Variants in ADAM17 observed in about 807,000 individuals in gnomAD.
ADAM17 encodes the protein disintegrin and metalloproteinase domain-containing protein 17.
Under a neutral mutation model 96.7 loss-of-function variants are expected in ADAM17, and 39 were observed. The ratio of observed to expected loss-of-function variants is 0.40; its 90% confidence interval spans 0.31 to 0.53. ADAM17 has a LOEUF of 0.53. Ranked by LOEUF, ADAM17 falls within the 20% of genes least tolerant of loss-of-function variation. The pLI is 0.44. For synonymous variants in ADAM17, 344 were observed against 359.2 expected (o/e 0.96, Z 0.48); for missense variants, 777 against 1,013.2 (o/e 0.77, Z 3.17).
chr2:9,492,909 C>G lies in ADAM17; in HGVS notation c.2071G>C (p.Val691Leu). The G allele has an allele frequency of 6.2e-7, 1 of 1,611,598 alleles. No individual in the cohort carries two copies. The highest frequency in any genetic ancestry group is 1.1e-5 in the South Asian group (1 of 90,690). The change falls in exon 17 of 19, where the codon GTC becomes CTC. Residue 691 changes from valine (V) to leucine (L), a missense_variant. Around this residue, in one of 3 missense-constraint regions of ADAM17, gnomAD observed 197 missense variants for 219.4 expected, o/e 0.90. Coordinates refer to ENST00000310823, the MANE Select transcript of ADAM17 (RefSeq NM_003183.6). ...LIFWIPFSIL[V>L]HCVDKKLDKQ... ...AGTTGATGACTTACCACACAATGGA[C>G]AAGAATGCTGAAAGGAATCCAAAAT...
chr2:9,549,240 AGGCACCT>A, intron 1 of ADAM17, among the ~76,000 whole-genome samples: 1 of 152,144 alleles, frequency 6.6e-6, no homozygotes, highest in Non-Finnish European at 1.5e-5. Flanking sequence ...GCGCGGTGGC[AGGCACCT>A]GTAATCCCAG....
chr2:9,535,957 C>G (rs376533065), intron 3 of ADAM17, 35 bp from the exon 4 acceptor site: 193 of 1,362,482 alleles, frequency 1.4e-4, no homozygotes, highest in Non-Finnish European at 1.8e-4. Context: ...TTTAAAAATA[C>G]TTACATCAAA....
chr2:9,490,917 A>T (rs1332127163), intron 18 of ADAM17, among the ~76,000 whole-genome samples, 184 bp downstream of exon 18: 2 of 152,212 alleles, frequency 1.3e-5, no homozygotes, highest in Admixed American at 1.3e-4. Context: ...ATGTCCATCC[A>T]TGCAACTAAT....
intron 4 of ADAM17, among the ~76,000 whole-genome samples, chr2:9,534,602 CA>C (rs963175315): frequency 6.6e-6 from 1 of 152,002 alleles, no homozygotes; most frequent in African/African-American, 2.4e-5. Flanking sequence ...GGTTCATAAT[CA>C]TATTGTTAAA....
Position 9,491,143 on chromosome 2 carries a change from T to G in ADAM17, c.2091A>C (p.Lys697Asn). The G allele has an allele frequency of 6.2e-7, 1 of 1,612,928 alleles. No homozygotes were observed. The highest frequency in any genetic ancestry group is 8.5e-7 in the Non-Finnish European group (1 of 1,179,050). Reference protein sequence around the residue: ...FSILVHCVDKKLDKQYESLSL... With the variant: ...FSILVHCVDKNLDKQYESLSL... ...ACAGAGATTCATACTGTTTATCCAA[T>G]TTCTTATCCTAGAAAGAAACAGCAA... Residue 697 changes from lysine (K) to asparagine (N), a missense_variant, in exon 18 of 19, where the codon AAA (lysine) becomes AAC (asparagine). Around this residue, in one of 3 missense-constraint regions of ADAM17, gnomAD observed 197 missense variants for 219.4 expected, o/e 0.90. Transcript: ENST00000310823.
intron 10 of ADAM17, among the ~76,000 whole-genome samples, chr2:9,514,244 A>G (rs1390844321): frequency 6.6e-6 from 1 of 150,564 alleles, no homozygotes; most frequent in Non-Finnish European, 1.5e-5. Flanking sequence ...CATTCTCAGC[A>G]AACTATCGCA....
chr2:9,533,570 T>C (rs1664840123), intron 4 of ADAM17, among the ~76,000 whole-genome samples: 1 of 152,134 alleles, frequency 6.6e-6, no homozygotes, highest in Non-Finnish European at 1.5e-5. Flanking sequence ...GAATAAATTA[T>C]TCTAAGGAAA....
At chr2:9,512,825 A>G (rs938540560) in intron 10 of ADAM17, among the ~76,000 whole-genome samples, 1 of 152,158 alleles carries the variant, frequency 6.6e-6, no homozygotes, top group South Asian at 2.1e-4. Flanking sequence ...AACAGGATTC[A>G]GAGAGCTTCC....
intron 17 of ADAM17, among the ~76,000 whole-genome samples, chr2:9,491,957 C>T (rs925231857): frequency 2.0e-5 from 3 of 152,220 alleles, no homozygotes; most frequent in Admixed American, 6.5e-5. Flanking sequence ...CCAGAGACAT[C>T]TGTCAAAGCT....
In ADAM17 at chr2:9,555,737, C is replaced by T. The variant is rs887848165; in HGVS notation, c.-132G>A. The T allele has an allele frequency of 5.1e-5, 36 of 704,828 alleles. No homozygotes were observed. Among genetic ancestry groups the T allele is most frequent in the Non-Finnish European group, 7.5e-5 (35 of 466,826 alleles). The allele number at this position is 704,828 out of a possible 1,614,324, so 43.7% of individuals were successfully genotyped here. On this transcript the variant is annotated 5_prime_UTR_variant, in exon 1 of 19. Coordinates refer to ENST00000310823, the MANE Select transcript of ADAM17 (RefSeq NM_003183.6). ...CTCAATCCTCTTTTCCCTCCCGCGC[C>T]GCCTACTGGGAAGATTCTACCGCCA...
intron 4 of ADAM17, among the ~76,000 whole-genome samples, chr2:9,530,499 TG>T (rs1171125394): frequency 1.3e-5 from 2 of 152,140 alleles, no homozygotes; most frequent in Non-Finnish European, 2.9e-5. Flanking sequence ...AAAAGAAAAG[TG>T]GTTGTTATTA....
intron 4 of ADAM17, among the ~76,000 whole-genome samples, chr2:9,529,953 G>A (rs896324599): frequency 6.7e-6 from 1 of 150,296 alleles, no homozygotes; most frequent in Non-Finnish European, 1.5e-5. Context: ...GACAGAGTGA[G>A]ACTCCATCTC....
intron 7 of ADAM17, 62 bp downstream of exon 7, chr2:9,523,187 C>T: frequency 7.8e-7 from 1 of 1,289,530 alleles, no homozygotes; most frequent in Non-Finnish European, 1.1e-6. Flanking sequence ...GTTTTGAATA[C>T]AAGTGACAAA....
chr2:9,509,881 G>T, intron 11 of ADAM17, 98 bp downstream of exon 11: 1 of 1,459,646 alleles, frequency 6.9e-7, no homozygotes, highest in Non-Finnish European at 9.3e-7. Context: ...CATCCCTAGG[G>T]AAACGCCTAG....
chr2:9,522,457 A>C (rs1287991103), intron 7 of ADAM17: 4 of 602,466 alleles, frequency 6.6e-6, no homozygotes, highest in Non-Finnish European at 1.3e-5. Flanking sequence ...GAAAATGCGT[A>C]ACAGTGAAAG....
At chr2:9,523,842 G>T (rs1457455294) in intron 6 of ADAM17, among the ~76,000 whole-genome samples, 1 of 151,476 alleles carries the variant, frequency 6.6e-6, no homozygotes, top group Admixed American at 6.6e-5. Context: ...TCCACTTAGT[G>T]AATAGTAAAT....
At chr2:9,528,488 C>T (rs969836445) in intron 4 of ADAM17, among the ~76,000 whole-genome samples, 2 of 152,262 alleles carry the variant, frequency 1.3e-5, no homozygotes, top group East Asian at 3.8e-4. Flanking sequence ...TAGGTCTGAA[C>T]CTTATTACTT....
intron 11 of ADAM17, 93 bp downstream of exon 11, chr2:9,509,886 G>T (rs1465328105): frequency 2.0e-6 from 3 of 1,475,864 alleles, no homozygotes; most frequent in Non-Finnish European, 2.8e-6. Flanking sequence ...CTAGGGAAAC[G>T]CCTAGGAATG....
At position 9,517,883 on chromosome 2, in the gene ADAM17, A is replaced by G; in HGVS notation, c.1191+18T>C. 1 of 1,514,934 alleles carries G rather than the reference A, an allele frequency of 6.6e-7. No homozygotes were observed. Among genetic ancestry groups the G allele is most frequent in the Non-Finnish European group, 8.9e-7 (1 of 1,123,206 alleles). The allele number at this position is 1,514,934 out of a possible 1,614,324, so 93.8% of individuals were successfully genotyped here. A position where few individuals can be genotyped will look rare whatever the true frequency, so the allele number is the denominator to read the frequency against. ...CAATAAACTCTAACACTATTCTTTT[A>G]GAAATAAAAGAACATACCTTTGTAA... On this transcript the variant is annotated intron_variant, in intron 10 of 18. Transcript: ENST00000310823.
Sources: allele counts gnomAD v4.1 joint callset (sites outside exome capture counted in the v4.1 genomes callset), GRCh38; gene constraint gnomAD v4.1.1; regional missense constraint gnomAD v4.1.1; transcripts MANE v1.5; gene names NCBI Gene and HGNC (gene_info 2026-07-23, HGNC 2026-07-21).